ORC5: variants seen among roughly 807,000 people sequenced by gnomAD.
ORC5 encodes protein phosphatase 1, regulatory subunit 117.
In ORC5, 39 loss-of-function variants were observed where a neutral mutation model predicts 58.8. The ratio of observed to expected loss-of-function variants is 0.66; its 90% CI spans 0.51 to 0.87. ORC5 has a LOEUF of 0.87. ORC5 is among the 40% of genes least tolerant of loss of function. ORC5 has a pLI of 0.00. For synonymous variants in ORC5, 218 were observed against 177.6 expected (o/e 1.23, Z -1.81); for missense variants, 493 against 506.3 (o/e 0.97, Z 0.25).
intron 12 of ORC5, among the ~76,000 whole-genome samples, chr7:104,148,580 T>A (rs556067406): frequency 9.2e-5 from 14 of 152,140 alleles, no homozygotes; most frequent in Non-Finnish European, 1.3e-4. Flanking sequence ...GAAGTAACAA[T>A]TAACAATACT....
At chr7:104,167,566 G>A (rs975954133) in intron 9 of ORC5, among the ~76,000 whole-genome samples, 1 of 152,102 alleles carries the variant, frequency 6.6e-6, no homozygotes, top group Admixed American at 6.6e-5. Flanking sequence ...CTTGCACATA[G>A]AAAATAACTG....
intron 8 of ORC5, among the ~76,000 whole-genome samples, chr7:104,172,570 A>T (rs927637427): frequency 6.6e-6 from 1 of 152,242 alleles, no homozygotes; most frequent in Non-Finnish European, 1.5e-5. Context: ...AATTGACTAG[A>T]AAGAAAAGCA....
At chr7:104,144,837 G>A (rs1308853523) in intron 12 of ORC5, among the ~76,000 whole-genome samples, 1 of 152,186 alleles carries the variant, frequency 6.6e-6, no homozygotes, top group East Asian at 1.9e-4. Context: ...ATGACAATAT[G>A]AACTCAGATC....
At chr7:104,172,252 C>T (rs527406751) in intron 8 of ORC5, among the ~76,000 whole-genome samples, 1 of 152,294 alleles carries the variant, frequency 6.6e-6, no homozygotes, top group Admixed American at 6.5e-5. Flanking sequence ...CCATAATTAT[C>T]CTATGGGACT....
At chr7:104,143,867 C>T (rs1431448203) in intron 12 of ORC5, among the ~76,000 whole-genome samples, 1 of 151,988 alleles carries the variant, frequency 6.6e-6, no homozygotes, top group African/African-American at 2.4e-5. Flanking sequence ...ACCTGTAATC[C>T]CAGCACTTTG....
chr7:104,136,995 C>A lies in ORC5; in HGVS notation c.1150-102G>T. ...CTGATAAAGATACATAACTGAATCA[C>A]AAAAAACGTCTGCAAAGAAAATGAC... On this transcript the variant is annotated intron_variant, in intron 12 of 13. Transcript: ENST00000297431. The surrounding 1 kb of genome is among the most constrained non-coding windows in gnomAD (Gnocchi z 4.2). 4 of 721,694 alleles carry A rather than the reference C, an allele frequency of 5.5e-6. No individual in the cohort carries two copies. The highest frequency in any genetic ancestry group is 2.7e-5 in the Admixed American group (1 of 37,520). The allele number at this position is 721,694 out of a possible 1,614,324, so 44.7% of individuals were successfully genotyped here. A position where few individuals can be genotyped will look rare whatever the true frequency, so the allele number is the denominator to read the frequency against.
At chr7:104,172,008 C>T (rs1281627163) in intron 8 of ORC5, among the ~76,000 whole-genome samples, 2 of 152,214 alleles carry the variant, frequency 1.3e-5, no homozygotes, top group African/African-American at 4.8e-5. Flanking sequence ...CACTACTAGT[C>T]AACGTATCCC....
chr7:104,144,758 CAAAT>C (rs1231699038), intron 12 of ORC5, among the ~76,000 whole-genome samples: 1 of 152,212 alleles, frequency 6.6e-6, no homozygotes, highest in African/African-American at 2.4e-5. Flanking sequence ...CACCGTCTCA[CAAAT>C]AAATAAATAA....
intron 12 of ORC5, among the ~76,000 whole-genome samples, chr7:104,147,760 T>G (rs1296757228): frequency 1.3e-5 from 2 of 152,222 alleles, no homozygotes; most frequent in Non-Finnish European, 2.9e-5. Context: ...ATTAAACACT[T>G]GTTTTAAGAA....
intron 8 of ORC5, among the ~76,000 whole-genome samples, chr7:104,173,950 T>C (rs1215177072): frequency 2.0e-5 from 3 of 147,472 alleles, no homozygotes; most frequent in African/African-American, 7.5e-5. Flanking sequence ...GTTCACGCCA[T>C]TATCCTGCCT....
chr7:104,196,186 AC>A (rs1195796076), intron 4 of ORC5, among the ~76,000 whole-genome samples: 2 of 152,158 alleles, frequency 1.3e-5, no homozygotes, highest in African/African-American at 4.8e-5. Flanking sequence ...ATGCATGATC[AC>A]CATTACTGGG....
At chr7:104,158,112 C>G (rs1412024327) in intron 12 of ORC5, among the ~76,000 whole-genome samples, 2 of 152,102 alleles carry the variant, frequency 1.3e-5, no homozygotes, top group Non-Finnish European at 2.9e-5. Flanking sequence ...ACTCATTCTC[C>G]ACAGCCAAGC....
chr7:104,184,222 AT>A, intron 6 of ORC5, 51 bp from the exon 7 acceptor site: 2 of 1,141,446 alleles, frequency 1.8e-6, no homozygotes, highest in Non-Finnish European at 1.3e-6. Context: ...ATCGATCACA[AT>A]TAGAAATTTA....
At chr7:104,201,827 C>T (rs1799951447) in intron 2 of ORC5, among the ~76,000 whole-genome samples, 1 of 152,028 alleles carries the variant, frequency 6.6e-6, no homozygotes, top group Non-Finnish European at 1.5e-5. Context: ...AGGCATATGG[C>T]TCCTGCCTGT....
At chr7:104,183,663 G>C (rs759977371) in intron 8 of ORC5, among the ~76,000 whole-genome samples, 1 of 152,240 alleles carries the variant, frequency 6.6e-6, no homozygotes, top group Non-Finnish European at 1.5e-5. Flanking sequence ...TCCCTGTCCA[G>C]CTCTGAACTG....
At chr7:104,144,551 T>A (rs1213980875) in intron 12 of ORC5, among the ~76,000 whole-genome samples, 2 of 151,990 alleles carry the variant, frequency 1.3e-5, no homozygotes, top group African/African-American at 2.4e-5. Context: ...AGGTCAGGAG[T>A]TCGAGACAGG....
chr7:104,142,980 T>G (rs965880318), intron 12 of ORC5, among the ~76,000 whole-genome samples: 3 of 152,234 alleles, frequency 2.0e-5, no homozygotes, highest in East Asian at 1.9e-4. Flanking sequence ...GGCCTGAAAT[T>G]TTAATGAATG....
intron 8 of ORC5, among the ~76,000 whole-genome samples, chr7:104,180,408 T>C (rs915854523): frequency 2.0e-5 from 3 of 152,190 alleles, no homozygotes; most frequent in Non-Finnish European, 4.4e-5. Context: ...GGGTTAATGT[T>C]TTTTAAATCC....
At chr7:104,150,582 A>C (rs1186422768) in intron 12 of ORC5, among the ~76,000 whole-genome samples, 1 of 152,202 alleles carries the variant, frequency 6.6e-6, no homozygotes, top group Non-Finnish European at 1.5e-5. Flanking sequence ...CTAGTCTTCA[A>C]ATATGCTCAG....
Sources: gnomAD v4.1 joint callset for allele counts (sites outside exome capture counted in the v4.1 genomes callset) on GRCh38, gnomAD v4.1.1 for gene constraint, Gnocchi (gnomAD v3.1) non-coding constraint, MANE v1.5 for transcripts, NCBI Gene and HGNC (gene_info 2026-07-23, HGNC 2026-07-21) for gene names.